Variants in HTRA1 observed in about 807,000 individuals in gnomAD.
HTRA1 encodes serine protease HTRA1.
A neutral mutation model predicts 49.7 loss-of-function variants in HTRA1; 26 were observed. The observed-to-expected ratio is 0.52, with a 90% CI of 0.38 to 0.73. The LOEUF (loss-of-function observed/expected upper bound fraction) is 0.73, where lower values mean the gene tolerates loss of function less well. Among genes scored for constraint, HTRA1 ranks in the 30% least tolerant of loss-of-function variants. The pLI is 0.00. For missense variants in HTRA1, 561 were observed against 667.2 expected (o/e 0.84, Z 1.75); for synonymous variants, 291 against 286.9 (o/e 1.01, Z -0.14).
chr10:122,507,141 CT>C (rs1284112052), intron 4 of HTRA1, among the ~76,000 whole-genome samples: 1 of 152,158 alleles, frequency 6.6e-6, no homozygotes, highest in Admixed American at 6.5e-5. Flanking sequence ...TTGCAGTTGG[CT>C]TCTGGGCTTC....
At chr10:122,467,624 C>A (rs2097484295) in intron 1 of HTRA1, among the ~76,000 whole-genome samples, 1 of 152,026 alleles carries the variant, frequency 6.6e-6, no homozygotes, top group African/African-American at 2.4e-5. Flanking sequence ...CCCCGGGAGA[C>A]CACAGGGGTG....
chr10:122,514,028 C>T (rs1403918617), intron 8 of HTRA1, among the ~76,000 whole-genome samples, 163 bp from the exon 9 acceptor site: 1 of 152,018 alleles, frequency 6.6e-6, no homozygotes, highest in Non-Finnish European at 1.5e-5. Context: ...CATGAGCCAC[C>T]GTGCCTGACC....
At chr10:122,467,729 A>G (rs1591024326) in intron 1 of HTRA1, among the ~76,000 whole-genome samples, 1 of 152,060 alleles carries the variant, frequency 6.6e-6, no homozygotes, top group East Asian at 1.9e-4. Context: ...GAAGTGAGAT[A>G]CCCTTGTGTC....
intron 7 of HTRA1, among the ~76,000 whole-genome samples, chr10:122,511,754 A>T (rs377234793): frequency 0.01 from 1,263 of 120,872 alleles, 18 homozygotes; most frequent in African/African-American, 0.03. Flanking sequence ...AATAAATAAA[A>T]AAAATAAATA....
rs1054012581 is a variant in HTRA1, at chr10:122,464,684, C to T, written c.472+2560C>T. On this transcript the variant is annotated intron_variant, in intron 1 of 8. Transcript: ENST00000368984. The surrounding 1 kb of genome is among the most constrained non-coding windows in gnomAD (Gnocchi z 4.8). ...ACCCTTGACTTTTCGGAGGTGTTTC[C>T]GAGGACAGGCGCCTGGGAGCCAGCA... Among the ~76,000 whole-genome samples the T allele has an allele frequency of 3.3e-5, 5 of 152,196 alleles. No homozygotes were observed. Among genetic ancestry groups the T allele is most frequent in the African/African-American group, 9.7e-5 (4 of 41,440 alleles).
At chr10:122,491,796 G>C (rs2097495987) in intron 3 of HTRA1, among the ~76,000 whole-genome samples, 1 of 152,116 alleles carries the variant, frequency 6.6e-6, no homozygotes, top group African/African-American at 2.4e-5. Flanking sequence ...CCCAAGAAAG[G>C]GTGCTTGAAA....
At position 122,480,860 on chromosome 10, in the gene HTRA1, G is replaced by A. The variant is rs2097490682; in HGVS notation, c.473-8042G>A. On this transcript the variant is annotated intron_variant, in intron 1 of 8. Transcript: ENST00000368984. ...TAACATTAGGTATGAAACTATTATT[G>A]ATATAGATTGAAAAAAGAAAATGCC... Among the ~76,000 whole-genome samples the A allele has an allele frequency of 2.0e-5, 3 of 151,982 alleles. No homozygotes were observed. The South Asian group carries it at 6.3e-4, about 32-fold the overall frequency.
chr10:122,504,175 C>A (rs2097502075), intron 3 of HTRA1, among the ~76,000 whole-genome samples: 1 of 152,204 alleles, frequency 6.6e-6, no homozygotes, highest in African/African-American at 2.4e-5. Flanking sequence ...CCATCCCTGC[C>A]TGGGGGCTCC....
At chr10:122,504,845 G>A (rs1006789393) in intron 3 of HTRA1, among the ~76,000 whole-genome samples, 1 of 152,190 alleles carries the variant, frequency 6.6e-6, no homozygotes, top group African/African-American at 2.4e-5. Context: ...TGAGCATGGG[G>A]CTGAGTAGAG....
intron 3 of HTRA1, among the ~76,000 whole-genome samples, chr10:122,495,354 G>A (rs542696401): frequency 3.9e-4 from 59 of 152,300 alleles, no homozygotes; most frequent in African/African-American, 1.4e-3. Flanking sequence ...CGGTGTTGAC[G>A]TTATGAGGCT....
At position 122,504,541 on chromosome 10, in the gene HTRA1, C is replaced by T. The variant is rs537555362; in HGVS notation, c.778-2150C>T. Among the ~76,000 whole-genome samples the T allele has an allele frequency of 5.3e-5, 8 of 152,300 alleles. No individual in the cohort carries two copies. In the South Asian group the frequency reaches 1.0e-3, roughly 20 times the overall value. The stretch of plus-strand genomic sequence containing the variant: ...ATCTCCTTGGGCAGCCAGGCCACCC[C>T]GCTCCATTAACCTGTGCCACCCCAT... On this transcript the variant is annotated intron_variant, in intron 3 of 8. Coordinates refer to ENST00000368984, the MANE Select transcript of HTRA1 (RefSeq NM_002775.5).
At position 122,476,179 on chromosome 10, in the gene HTRA1, G is replaced by A. The variant is rs973866457; in HGVS notation, c.473-12723G>A. On this transcript the variant is annotated intron_variant, in intron 1 of 8. Coordinates refer to ENST00000368984, the MANE Select transcript of HTRA1 (RefSeq NM_002775.5). ...TAGTCCAAGTTCCCTGGAGGAGGAG[G>A]AAGCGCTCTGTGTTTCTCTGCAGTT... Among the ~76,000 whole-genome samples the A allele has an allele frequency of 3.9e-5, 6 of 152,162 alleles. No homozygotes were observed. In the South Asian group the frequency reaches 8.3e-4, roughly 21 times the overall value.
intron 1 of HTRA1, 64 bp from the exon 2 acceptor site, chr10:122,488,838 T>A: frequency 7.8e-7 from 1 of 1,289,232 alleles, no homozygotes. Context: ...CTCTAACCCA[T>A]GTCTTTCTCT....
chr10:122,479,280 C>T (rs972693699), intron 1 of HTRA1, among the ~76,000 whole-genome samples: 1 of 152,042 alleles, frequency 6.6e-6, no homozygotes, highest in Non-Finnish European at 1.5e-5. Flanking sequence ...TGGAGGCTGG[C>T]TGAGAAGGTG....
intron 1 of HTRA1, among the ~76,000 whole-genome samples, chr10:122,476,184 GCT>G (rs1259651252): frequency 6.6e-6 from 1 of 152,150 alleles, no homozygotes; most frequent in Admixed American, 6.5e-5. Flanking sequence ...AGGAGGAAGC[GCT>G]CTGTGTTTCT....
At chr10:122,479,226 C>T (rs1009832003) in intron 1 of HTRA1, among the ~76,000 whole-genome samples, 8 of 152,282 alleles carry the variant, frequency 5.3e-5, no homozygotes, top group South Asian at 2.1e-4. Context: ...CTGATCTCAC[C>T]GAGTGTGAAG....
Position 122,490,464 on chromosome 10 carries a change from A to C in HTRA1, c.777+838A>C, listed in dbSNP as rs1356219462. Among the ~76,000 whole-genome samples, 1 of 151,256 alleles carries C rather than the reference A, an allele frequency of 6.6e-6. No homozygotes were observed. The highest frequency in any genetic ancestry group is 1.5e-5 in the Non-Finnish European group (1 of 67,772). On this transcript the variant is annotated intron_variant, in intron 3 of 8. Coordinates refer to ENST00000368984, the MANE Select transcript of HTRA1 (RefSeq NM_002775.5). This position sits in a 1 kb window ranked among gnomAD's most constrained non-coding sequence, Gnocchi z 4.2. ...TCCATTTCTTACTGACTCATCAAAA[A>C]CCCCCACTCGACACGTCGATGAGAG...
In HTRA1 at chr10:122,462,113, C is replaced by T; in HGVS notation, c.461C>T (p.Ala154Val). 1 of 1,533,310 alleles carries T rather than the reference C, an allele frequency of 6.5e-7. No individual in the cohort carries two copies. Among genetic ancestry groups the T allele is most frequent in the Non-Finnish European group, 8.7e-7 (1 of 1,145,660 alleles). 95.0% of individuals were successfully genotyped at this position (1,533,310 alleles called of 1,614,324 possible). A position where few individuals can be genotyped will look rare whatever the true frequency, so the allele number is the denominator to read the frequency against. Residue 154 changes from alanine to valine, a missense_variant, in exon 1 of 9, where the codon GCC becomes GTC. Ala to Val is a moderately conservative substitution (Grantham distance 64, BLOSUM62 0). This residue lies in a region of HTRA1 where 271 missense variants were observed against 410.0 expected (regional missense o/e 0.66). Coordinates refer to ENST00000368984, the MANE Select transcript of HTRA1 (RefSeq NM_002775.5). ...CCGGTCATCGTCCTGCAGCGCGGAG[C>T]CTGCGGCCAAGGTACTCCGCCGCGC... Reference protein sequence around the residue: ...RPPVIVLQRGACGQGQEDPNS... With the variant: ...RPPVIVLQRGVCGQGQEDPNS...
At chr10:122,462,456 G>A (rs1251928417) in intron 1 of HTRA1, among the ~76,000 whole-genome samples, 3 of 152,268 alleles carry the variant, frequency 2.0e-5, no homozygotes, top group African/African-American at 7.2e-5. Flanking sequence ...AGAGGAATGG[G>A]GGCATAAAGG....
Sources: gnomAD v4.1 joint callset for allele counts (sites outside exome capture counted in the v4.1 genomes callset) on GRCh38, gnomAD v4.1.1 for gene constraint, gnomAD v4.1.1 regional missense constraint, Gnocchi (gnomAD v3.1) non-coding constraint, MANE v1.5 for transcripts, NCBI Gene and HGNC (gene_info 2026-07-23, HGNC 2026-07-21) for gene names.